MIX23: variants seen among roughly 807,000 people sequenced by gnomAD.
MIX23 encodes the protein protein MIX23.
MIX23 carries 13 observed loss-of-function variants against 21.6 expected under a neutral mutation model. The ratio of observed to expected loss-of-function variants is 0.60; its 90% CI spans 0.39 to 0.96. MIX23 has a LOEUF of 0.96. Ranked by LOEUF, MIX23 falls within the 40% of genes least tolerant of loss-of-function variation. The pLI, the probability that MIX23 is intolerant of heterozygous loss-of-function variation, is 0.00. For missense variants in MIX23, 144 were observed against 171.2 expected, an observed-to-expected ratio of 0.84 and a Z score of 0.89; for synonymous variants, 59 against 58.0, an observed-to-expected ratio of 1.02 and a Z score of -0.08.
At chr3:122,364,820 T>C (rs1198017623) in intron 3 of MIX23, among the ~76,000 whole-genome samples, 1 of 152,098 alleles carries the variant, frequency 6.6e-6, no homozygotes, top group Non-Finnish European at 1.5e-5. Context: ...TAGCTCTTAC[T>C]TACATCCTTG....
At chr3:122,362,409 T>C (rs893931720) in intron 4 of MIX23, among the ~76,000 whole-genome samples, 2 of 152,108 alleles carry the variant, frequency 1.3e-5, no homozygotes, top group Admixed American at 6.5e-5. Flanking sequence ...ATAGAGAATG[T>C]CTCTAATGCT....
rs145044573 is a variant in MIX23, at chr3:122,372,659, C to A, written c.52-859G>T. Among the ~76,000 whole-genome samples, 478 of 151,832 alleles carry A rather than the reference C, an allele frequency of 3.1e-3. 11 individuals carry two copies. The East Asian group carries it at 0.077, about 24-fold the overall frequency. The stretch of plus-strand genomic sequence containing the variant: ...TGACAGACATAGTGAGACCCTGTCT[C>A]TACAAAAAAAAAATTTTTTTTAATT... On this transcript the variant is annotated intron_variant, in intron 1 of 4. Transcript: ENST00000291458.
At chr3:122,377,167 C>A (rs1009637024) in intron 1 of MIX23, among the ~76,000 whole-genome samples, 27 of 151,958 alleles carry the variant, frequency 1.8e-4, no homozygotes, top group African/African-American at 6.5e-4. Context: ...GGTGACAAAG[C>A]GAGACTCCAT....
At chr3:122,383,001 A>G in intron 1 of MIX23, 173 bp downstream of exon 1, 1 of 756,874 alleles carries the variant, frequency 1.3e-6, no homozygotes, top group South Asian at 1.5e-5. Context: ...CCTACAGAGC[A>G]GCCTCGCTCC....
chr3:122,377,634 C>T (rs553491336), intron 1 of MIX23, among the ~76,000 whole-genome samples: 14 of 152,166 alleles, frequency 9.2e-5, no homozygotes, highest in African/African-American at 2.9e-4. Flanking sequence ...GGACTGCTTA[C>T]GGCTAGGAGT....
At chr3:122,365,224 T>A (rs1355200082) in intron 3 of MIX23, 1 of 152,164 alleles carries the variant, frequency 6.6e-6, no homozygotes, top group East Asian at 1.9e-4. Context: ...CTGGCATCTG[T>A]CTATAAATGA....
intron 2 of MIX23, among the ~76,000 whole-genome samples, chr3:122,370,521 C>G (rs150934099): frequency 1.7e-4 from 26 of 149,386 alleles, no homozygotes; most frequent in African/African-American, 5.9e-4. Flanking sequence ...GGTTACCCAG[C>G]TAGGAGGTAG....
At chr3:122,372,880 A>C (rs2075453355) in intron 1 of MIX23, 3 of 312,684 alleles carry the variant, frequency 9.6e-6, no homozygotes, top group Non-Finnish European at 1.9e-5. Flanking sequence ...TAATACTAGG[A>C]ATATACTTAT....
At chr3:122,363,110 C>A in intron 3 of MIX23, 83 bp from the exon 4 acceptor site, 3 of 1,164,752 alleles carry the variant, frequency 2.6e-6, no homozygotes, top group Non-Finnish European at 3.7e-6. Flanking sequence ...AGAGCTAAAA[C>A]CACACTCATG....
intron 1 of MIX23, among the ~76,000 whole-genome samples, chr3:122,381,552 A>AC (rs1272894940): frequency 6.6e-6 from 1 of 151,924 alleles, no homozygotes; most frequent in East Asian, 1.9e-4. Context: ...ACATGGTGAA[A>AC]CCCCATCTCT....
At chr3:122,362,607 G>C (rs987110835) in intron 4 of MIX23, among the ~76,000 whole-genome samples, 1 of 151,642 alleles carries the variant, frequency 6.6e-6, no homozygotes, top group African/African-American at 2.4e-5. Flanking sequence ...TCAGCCTCCC[G>C]AGTAGCTGGG....
At chr3:122,382,092 C>G (rs2332177) in intron 1 of MIX23, among the ~76,000 whole-genome samples, 32,608 of 151,998 alleles carry the variant, frequency 0.21, 4,082 homozygotes, top group Non-Finnish European at 0.27. Flanking sequence ...ATTCTAGGCA[C>G]TCGATTTTAA....
At chr3:122,371,408 A>C (rs576809513) in intron 2 of MIX23, among the ~76,000 whole-genome samples, 1 of 152,340 alleles carries the variant, frequency 6.6e-6, no homozygotes, top group Admixed American at 6.5e-5. Context: ...CTTTGTACAT[A>C]AGGTCTCCTT....
intron 4 of MIX23, among the ~76,000 whole-genome samples, chr3:122,361,144 C>T (rs894823971): frequency 2.6e-5 from 4 of 152,288 alleles, no homozygotes; most frequent in South Asian, 2.1e-4. Flanking sequence ...TAAAGTGCTG[C>T]GCCTGACCTA....
intron 1 of MIX23, among the ~76,000 whole-genome samples, chr3:122,372,564 G>A (rs1307499554): frequency 1.3e-5 from 2 of 152,140 alleles, no homozygotes; most frequent in East Asian, 3.8e-4. Flanking sequence ...GCTCACACCT[G>A]TAATCCCAAC....
At chr3:122,378,954 G>C (rs2075509393) in intron 1 of MIX23, among the ~76,000 whole-genome samples, 1 of 152,178 alleles carries the variant, frequency 6.6e-6, no homozygotes, top group South Asian at 2.1e-4. Flanking sequence ...ATCATATGGA[G>C]ATAGCATAAA....
rs1372303533 is a variant in MIX23 at position 122,359,675 on chromosome 3, T to C, written c.*194A>G. 18 of 411,374 alleles carry C rather than the reference T, an allele frequency of 4.4e-5. No homozygotes were observed. The highest frequency in any genetic ancestry group is 3.5e-4 in the African/African-American group (17 of 48,284). 25.5% of individuals were successfully genotyped at this position (411,374 alleles called of 1,614,324 possible). Reference sequence around the variant, plus strand: ...GAATCAGTATAAAATAGCAGTTGATTTCTCCATAATTATCAGAATTATTTA... The same window carrying C: ...GAATCAGTATAAAATAGCAGTTGATCTCTCCATAATTATCAGAATTATTTA... On this transcript the variant is annotated 3_prime_UTR_variant, in exon 5 of 5. Transcript: ENST00000291458.
At chr3:122,367,162 T>G (rs1576232301) in intron 3 of MIX23, among the ~76,000 whole-genome samples, 2 of 147,750 alleles carry the variant, frequency 1.4e-5, no homozygotes, top group African/African-American at 2.5e-5. Context: ...AGAGGGAGGG[T>G]GAAGAGAAGG....
rs578233500 is a variant in MIX23, at chr3:122,373,686, A to G, written c.52-1886T>C. Among the ~76,000 whole-genome samples the G allele has an allele frequency of 1.4e-4, 21 of 152,354 alleles. No individual in the cohort carries two copies. In the East Asian group the frequency reaches 3.7e-3, roughly 27 times the overall value. On this transcript the variant is annotated intron_variant, in intron 1 of 4. Transcript: ENST00000291458. ...GGTTGTTTCCAATTATAAACCATTTAGCCCATTCAATCTAAGTCTGTAGTC... is the reference window on the plus strand; with the variant it reads ...GGTTGTTTCCAATTATAAACCATTTGGCCCATTCAATCTAAGTCTGTAGTC...
Sources: gnomAD v4.1 joint callset for allele counts (sites outside exome capture counted in the v4.1 genomes callset) on GRCh38, gnomAD v4.1.1 for gene constraint, MANE v1.5 for transcripts, NCBI Gene and HGNC (gene_info 2026-07-23, HGNC 2026-07-21) for gene names.